Variants in ZNF827 observed in about 807,000 individuals in gnomAD.
ZNF827 encodes the protein zinc finger protein 827.
A neutral mutation model predicts 102.4 loss-of-function variants in ZNF827; 13 were observed. The observed-to-expected ratio is 0.13, with a 90% CI of 0.08 to 0.20. ZNF827 has a LOEUF of 0.20. ZNF827 is among the 10% of genes least tolerant of loss of function. The probability of loss-of-function intolerance (pLI) is 1.00; values close to 1 mark genes in which losing one functional copy is unlikely to be tolerated. For missense variants in ZNF827, 1,103 were observed against 1,344.4 expected (o/e 0.82, Z 2.81); for synonymous variants, 523 against 536.2 (o/e 0.98, Z 0.34).
chr4:145,907,332 C>A, intron 1 of ZNF827: 2 of 394,018 alleles, frequency 5.1e-6, no homozygotes, highest in Admixed American at 6.9e-5. Context: ...ACAACCTGCA[C>A]CTTTCCTAGC....
intron 8 of ZNF827, among the ~76,000 whole-genome samples, chr4:145,814,769 CAAAAA>C (rs773438540): frequency 4.0e-5 from 3 of 74,364 alleles, no homozygotes; most frequent in African/African-American, 4.7e-5. Flanking sequence ...ACTAAAAATA[CAAAAA>C]AAAAAAAAAA....
At chr4:145,856,546 G>A (rs1747124531) in intron 5 of ZNF827, among the ~76,000 whole-genome samples, 1 of 151,896 alleles carries the variant, frequency 6.6e-6, no homozygotes, top group Admixed American at 6.6e-5. Flanking sequence ...CTGTTCCTGG[G>A]GAAAAAGAGG....
intron 3 of ZNF827, among the ~76,000 whole-genome samples, chr4:145,891,755 T>C (rs903348164): frequency 1.3e-5 from 2 of 152,220 alleles, no homozygotes; most frequent in African/African-American, 4.8e-5. Flanking sequence ...TCATGCCTCC[T>C]ACACGGTGTC....
intron 2 of ZNF827, among the ~76,000 whole-genome samples, chr4:145,897,841 T>A (rs1579509374): frequency 6.6e-6 from 1 of 152,276 alleles, no homozygotes; most frequent in Non-Finnish European, 1.5e-5. Flanking sequence ...ATATATGGGA[T>A]CATTCTCAGA....
intron 4 of ZNF827, 79 bp from the exon 5 acceptor site, chr4:145,870,557 T>C (rs1029910141): frequency 5.6e-6 from 7 of 1,252,076 alleles, no homozygotes; most frequent in Non-Finnish European, 8.0e-6. Context: ...TCACGAAGTA[T>C]GGAATGCACA....
chr4:145,808,426 C>G (rs977707359), intron 8 of ZNF827, among the ~76,000 whole-genome samples: 3 of 152,102 alleles, frequency 2.0e-5, no homozygotes, highest in Non-Finnish European at 2.9e-5. Flanking sequence ...TCTTTCAAGC[C>G]TAATTCCATT....
At chr4:145,780,350 G>A (rs1737788764) in intron 8 of ZNF827, among the ~76,000 whole-genome samples, 1 of 152,202 alleles carries the variant, frequency 6.6e-6, no homozygotes, top group Non-Finnish European at 1.5e-5. Context: ...AATCCTTAAT[G>A]AGGAATTTGT....
intron 8 of ZNF827, among the ~76,000 whole-genome samples, chr4:145,806,344 T>C (rs1019026344): frequency 2.7e-4 from 41 of 151,702 alleles, no homozygotes; most frequent in African/African-American, 9.7e-4. Flanking sequence ...TTGGTAAAGA[T>C]GGGGTTTCGC....
At chr4:145,900,224 T>C (rs940854474) in intron 2 of ZNF827, among the ~76,000 whole-genome samples, 3 of 152,192 alleles carry the variant, frequency 2.0e-5, no homozygotes, top group Non-Finnish European at 4.4e-5. Flanking sequence ...TGCTACAGTC[T>C]GGGCTTCAGG....
chr4:145,849,832 C>A (rs925415855), intron 5 of ZNF827, among the ~76,000 whole-genome samples: 5 of 152,206 alleles, frequency 3.3e-5, no homozygotes, highest in Non-Finnish European at 5.9e-5. Context: ...GGCCTGCAAG[C>A]TGGAGCCTAT....
intron 1 of ZNF827, among the ~76,000 whole-genome samples, chr4:145,904,928 G>A (rs1751720809): frequency 6.6e-6 from 1 of 152,208 alleles, no homozygotes; most frequent in South Asian, 2.1e-4. Flanking sequence ...TCAGGTACAA[G>A]GATGAGCACA....
intron 1 of ZNF827, among the ~76,000 whole-genome samples, chr4:145,938,023 T>C (rs1316999083): frequency 2.1e-4 from 9 of 43,018 alleles, no homozygotes; most frequent in Admixed American, 1.1e-3. Flanking sequence ...TCCACACTAC[T>C]CCCCTCCTCC....
intron 11 of ZNF827, 88 bp downstream of exon 11, chr4:145,774,418 G>T: frequency 7.0e-7 from 1 of 1,420,980 alleles, no homozygotes; most frequent in Non-Finnish European, 9.7e-7. Flanking sequence ...ATGTCTCAGG[G>T]CAGTGGGGAT....
At chr4:145,814,699 G>A (rs79264052) in intron 8 of ZNF827, among the ~76,000 whole-genome samples, 21,259 of 150,464 alleles carry the variant, frequency 0.14, 2,304 homozygotes, top group East Asian at 0.63. Context: ...CGAGGCGGGC[G>A]GATCACCTGA....
chr4:145,762,814 G>T lies in ZNF827; in HGVS notation c.*17+276C>A, dbSNP rs114539789. ...CTTATATGAGAACTGTAGTGTGTTT[G>T]CTCTCTTTCCACAAAGAATGCAGAT... is the stretch of plus-strand genomic sequence containing the variant. On this transcript the variant is annotated intron_variant, in intron 14 of 14. Transcript: ENST00000508784. The surrounding 1 kb of genome is among the most constrained non-coding windows in gnomAD (Gnocchi z 4.9). Among the ~76,000 whole-genome samples, 456 of 152,334 alleles carry T rather than the reference G, an allele frequency of 3.0e-3. 1 individual carries two copies. Among genetic ancestry groups the T allele is most frequent in the African/African-American group, 0.011 (444 of 41,568 alleles).
At chr4:145,790,880 AT>A (rs1194869453) in intron 8 of ZNF827, among the ~76,000 whole-genome samples, 5 of 152,240 alleles carry the variant, frequency 3.3e-5, no homozygotes, top group Non-Finnish European at 5.9e-5. Flanking sequence ...GTTTTAGCAC[AT>A]TATAACATTT....
intron 4 of ZNF827, among the ~76,000 whole-genome samples, chr4:145,877,514 T>G (rs942814382): frequency 3.3e-5 from 5 of 152,224 alleles, no homozygotes; most frequent in Admixed American, 2.6e-4. Context: ...TAATTTCCCT[T>G]AAATCATTTT....
rs536793505 is a variant in ZNF827 at position 145,872,491 on chromosome 4, T to C, written c.1748-2013A>G. 2.0e-4 allele frequency among the ~76,000 whole-genome samples: 31 copies of C among 152,346 alleles called. No homozygotes were observed. The South Asian group carries it at 6.4e-3, about 32-fold the overall frequency. On this transcript the variant is annotated intron_variant, in intron 4 of 14. Coordinates refer to ENST00000508784, the MANE Select transcript of ZNF827 (RefSeq NM_001306215.2). ...CCTCCAGAAGAGAGAAATAAATCTG[T>C]TATTTAAGTCATCCAGTCTGTGGCA...
chr4:145,936,242 C>T (rs1423443137), intron 1 of ZNF827, among the ~76,000 whole-genome samples: 8 of 152,092 alleles, frequency 5.3e-5, no homozygotes. Context: ...CACTCTTCCA[C>T]CAACTGCTGC....
Sources: allele counts gnomAD v4.1 joint callset (sites outside exome capture counted in the v4.1 genomes callset), GRCh38; gene constraint gnomAD v4.1.1; non-coding constraint Gnocchi (gnomAD v3.1); transcripts MANE v1.5; gene names NCBI Gene and HGNC (gene_info 2026-07-23, HGNC 2026-07-21).